NEGR1: variants seen among roughly 807,000 people sequenced by gnomAD.
The protein encoded by NEGR1 is neuronal growth regulator 1, also known as IgLON family member 4.
In NEGR1, 10 loss-of-function variants were observed where a neutral mutation model predicts 40.9. The observed-to-expected ratio is 0.24, with a 90% CI of 0.15 to 0.42. The LOEUF (loss-of-function observed/expected upper bound fraction) is 0.42, where lower values mean the gene tolerates loss of function less well. NEGR1 is among the 10% of genes least tolerant of loss of function. NEGR1 has a pLI of 1.00. For synonymous variants in NEGR1, 185 were observed against 166.8 expected, an observed-to-expected ratio of 1.11 and a Z score of -0.84; for missense variants, 352 against 438.9, an observed-to-expected ratio of 0.80 and a Z score of 1.77.
At chr1:72,134,171 CAAT>C (rs1650359832) in intron 1 of NEGR1, among the ~76,000 whole-genome samples, 1 of 150,310 alleles carries the variant, frequency 6.7e-6, no homozygotes, top group South Asian at 2.1e-4. Flanking sequence ...ACATCAGTGT[CAAT>C]GATGATGATT....
At chr1:72,026,374 T>A (rs1250345764) in intron 1 of NEGR1, among the ~76,000 whole-genome samples, 1 of 87,448 alleles carries the variant, frequency 1.1e-5, no homozygotes, top group Non-Finnish European at 2.0e-5. Context: ...CCAAGCTACC[T>A]TTTTTTTTTT....
At chr1:72,258,222 T>C (rs1308920741) in intron 1 of NEGR1, among the ~76,000 whole-genome samples, 1 of 152,154 alleles carries the variant, frequency 6.6e-6, no homozygotes, top group African/African-American at 2.4e-5. Context: ...AAGGAGGTGG[T>C]AGGTGCTACT....
intron 1 of NEGR1, among the ~76,000 whole-genome samples, chr1:72,273,365 T>A (rs1655921449): frequency 6.6e-6 from 1 of 151,968 alleles, no homozygotes; most frequent in South Asian, 2.1e-4. Context: ...GAAACAGAAA[T>A]AAATGTTAGG....
At position 72,113,468 on chromosome 1, in the gene NEGR1, A is replaced by G. The variant is rs796407884; in HGVS notation, c.176+168851T>C. ...AAATATGTGTTTAGAAAAAAAATATATATATTTAGAAATATAAATACACTT... is the reference window on the plus strand; with the variant it reads ...AAATATGTGTTTAGAAAAAAAATATGTATATTTAGAAATATAAATACACTT... On this transcript the variant is annotated intron_variant, in intron 1 of 6. Transcript: ENST00000357731. Among the ~76,000 whole-genome samples, 3 of 151,664 alleles carry G rather than the reference A, an allele frequency of 2.0e-5. No homozygotes were observed. The South Asian group carries it at 6.2e-4, about 31-fold the overall frequency.
intron 1 of NEGR1, among the ~76,000 whole-genome samples, chr1:72,041,733 C>T (rs551255692): frequency 3.4e-5 from 5 of 145,780 alleles, no homozygotes; most frequent in South Asian, 2.1e-4. Context: ...TATACACACA[C>T]ATATATATAT....
At chr1:72,125,571 C>A (rs1649982352) in intron 1 of NEGR1, among the ~76,000 whole-genome samples, 1 of 151,886 alleles carries the variant, frequency 6.6e-6, no homozygotes. Context: ...TACAATGGAA[C>A]TTTCATCATA....
chr1:71,751,726 A>G (rs1655577041), intron 3 of NEGR1, among the ~76,000 whole-genome samples: 1 of 152,180 alleles, frequency 6.6e-6, no homozygotes, highest in Non-Finnish European at 1.5e-5. Context: ...CAAAAAAAAA[A>G]AAGCCTGTCT....
chr1:72,014,815 T>C (rs1309970576), intron 1 of NEGR1, among the ~76,000 whole-genome samples: 1 of 152,102 alleles, frequency 6.6e-6, no homozygotes, highest in African/African-American at 2.4e-5. Flanking sequence ...CTACTATTTA[T>C]TTATCCACAA....
chr1:72,126,859 C>A (rs1004603540), intron 1 of NEGR1, among the ~76,000 whole-genome samples: 2 of 152,202 alleles, frequency 1.3e-5, no homozygotes, highest in Admixed American at 1.3e-4. Flanking sequence ...TGTCTCATAA[C>A]TGAGGATCCC....
intron 1 of NEGR1, among the ~76,000 whole-genome samples, chr1:72,084,616 C>T (rs1486105): frequency 0.11 from 17,381 of 152,026 alleles, 1,182 homozygotes; most frequent in East Asian, 0.28. Flanking sequence ...GCCTCTTTTA[C>T]TGCCTGGAAC....
At chr1:71,879,011 T>C (rs1660509559) in intron 2 of NEGR1, among the ~76,000 whole-genome samples, 1 of 151,904 alleles carries the variant, frequency 6.6e-6, no homozygotes, top group Non-Finnish European at 1.5e-5. Context: ...TGCATGCCTG[T>C]AATCTCAGCT....
At chr1:71,867,733 T>A (rs1265777486) in intron 2 of NEGR1, among the ~76,000 whole-genome samples, 1 of 152,186 alleles carries the variant, frequency 6.6e-6, no homozygotes. Context: ...ATTAATTAAC[T>A]GGCTCAACCA....
chr1:71,474,731 A>AC (rs555989084), intron 6 of NEGR1, among the ~76,000 whole-genome samples: 1,747 of 148,856 alleles, frequency 0.012, 19 homozygotes, highest in Non-Finnish European at 0.02. Flanking sequence ...AAAAAAAAAA[A>AC]AAAAAAACAA....
At chr1:72,159,167 T>A (rs554651511) in intron 1 of NEGR1, among the ~76,000 whole-genome samples, 18 of 152,304 alleles carry the variant, frequency 1.2e-4, no homozygotes, top group African/African-American at 3.6e-4. Context: ...TTTTAAAATC[T>A]ATGCAGGTTA....
chr1:71,763,755 G>GTGTGTGTGTGTC (rs1656027278), intron 3 of NEGR1, among the ~76,000 whole-genome samples: 1 of 150,556 alleles, frequency 6.6e-6, no homozygotes, highest in Non-Finnish European at 1.5e-5. Context: ...GAGTGTGTGT[G>GTGTGTGTGTGTC]TGTGTGTGTG....
chr1:71,801,134 C>T (rs1265136073), intron 2 of NEGR1, among the ~76,000 whole-genome samples: 1 of 152,120 alleles, frequency 6.6e-6, no homozygotes, highest in Non-Finnish European at 1.5e-5. Flanking sequence ...ACTTTGTTCC[C>T]CTTGAAACAT....
chr1:71,961,369 T>G (rs1458038454), intron 1 of NEGR1, among the ~76,000 whole-genome samples: 4 of 152,158 alleles, frequency 2.6e-5, no homozygotes, highest in Non-Finnish European at 1.5e-5. Flanking sequence ...TCTACATTTA[T>G]AGATGACACT....
At chr1:72,022,260 C>CATATATATATAT (rs59160727) in intron 1 of NEGR1, among the ~76,000 whole-genome samples, 118 of 111,640 alleles carry the variant, frequency 1.1e-3, no homozygotes, top group African/African-American at 1.5e-3. Flanking sequence ...AAACAATTTT[C>CATATATATATAT]ATATATATAT....
chr1:72,161,418 C>A (rs1217269753), intron 1 of NEGR1, among the ~76,000 whole-genome samples: 1 of 151,914 alleles, frequency 6.6e-6, no homozygotes, highest in African/African-American at 2.4e-5. Context: ...TTTTGCCCCC[C>A]AGGGGGCATT....
Sources: allele counts gnomAD v4.1 joint callset (sites outside exome capture counted in the v4.1 genomes callset), GRCh38; gene constraint gnomAD v4.1.1; transcripts MANE v1.5; gene names NCBI Gene and HGNC (gene_info 2026-07-23, HGNC 2026-07-21).